PGRMC2: variants seen among roughly 807,000 people sequenced by gnomAD.
The protein encoded by PGRMC2 is progesterone receptor membrane component 2.
PGRMC2 carries 9 observed loss-of-function variants against 19.3 expected under a neutral mutation model. The ratio of observed to expected loss-of-function variants is 0.47; its 90% CI spans 0.28 to 0.81. The LOEUF (loss-of-function observed/expected upper bound fraction) is 0.81. Among genes scored for constraint, PGRMC2 ranks in the 40% least tolerant of loss-of-function variants. The pLI is 0.11. For missense variants in PGRMC2, 289 were observed against 297.3 expected, an observed-to-expected ratio of 0.97 and a Z score of 0.21; for synonymous variants, 157 against 124.6, an observed-to-expected ratio of 1.26 and a Z score of -1.73.
chr4:128,278,795 T>C (rs1230153717), intron 1 of PGRMC2, among the ~76,000 whole-genome samples: 1 of 152,186 alleles, frequency 6.6e-6, no homozygotes, highest in Non-Finnish European at 1.5e-5. Context: ...CAAAACTTTG[T>C]GTGGTTCAAA....
intron 1 of PGRMC2, among the ~76,000 whole-genome samples, chr4:128,284,543 CA>C (rs1248995381): frequency 6.6e-6 from 1 of 152,092 alleles, no homozygotes; most frequent in Non-Finnish European, 1.5e-5. Context: ...AACTGTTTGC[CA>C]AAATGTGTAT....
chr4:128,279,760 T>C (rs186734548), intron 1 of PGRMC2, among the ~76,000 whole-genome samples: 2 of 152,310 alleles, frequency 1.3e-5, no homozygotes, highest in East Asian at 3.9e-4. Context: ...GTGAAGGGTA[T>C]GCATAGTATA....
At chr4:128,273,370 T>C (rs1193891312) in intron 1 of PGRMC2, among the ~76,000 whole-genome samples, 4 of 152,214 alleles carry the variant, frequency 2.6e-5, no homozygotes, top group Admixed American at 2.6e-4. Flanking sequence ...CCAAGGTTTG[T>C]CCTTGAGAAC....
chr4:128,287,765 T>C lies in PGRMC2; in HGVS notation c.26A>G (p.Lys9Arg). 2 of 1,480,076 alleles carry C rather than the reference T, an allele frequency of 1.4e-6. No individual in the cohort carries two copies. The highest frequency in any genetic ancestry group is 2.3e-5 in the East Asian group (1 of 43,302). 91.7% of individuals were successfully genotyped at this position (1,480,076 alleles called of 1,614,324 possible). A position where few individuals can be genotyped will look rare whatever the true frequency, so the allele number is the denominator to read the frequency against. ...GCTGCCACTCCCCAGGGTGCCTAGC[T>C]TCACGTCCCCATCACCAGCCGCCAT... Reference protein sequence around the residue: MAAGDGDVKLGTLGSGSES... With the variant: MAAGDGDVRLGTLGSGSES... The change falls in exon 1 of 3, where the codon AAG (lysine) becomes AGG (arginine). Residue 9 changes from lysine to arginine, a missense_variant. By Grantham distance (26) the Lys-to-Arg change is conservative. Transcript: ENST00000296425.
chr4:128,272,674 C>T, intron 1 of PGRMC2, 157 bp from the exon 2 acceptor site: 1 of 415,426 alleles, frequency 2.4e-6, no homozygotes, highest in East Asian at 3.6e-5. Flanking sequence ...TGTACAGATA[C>T]TAGATGGAAT....
At chr4:128,278,624 C>T (rs1578884587) in intron 1 of PGRMC2, among the ~76,000 whole-genome samples, 1 of 152,068 alleles carries the variant, frequency 6.6e-6, no homozygotes, top group Admixed American at 6.5e-5. Context: ...AATTTCACAT[C>T]TTAAAGCAAA....
At chr4:128,272,741 G>C (rs172343) in intron 1 of PGRMC2, 5 of 355,562 alleles carry the variant, frequency 1.4e-5, no homozygotes, top group Admixed American at 4.7e-5. Flanking sequence ...TTTTCACTTA[G>C]ATCTTAAAAC....
At chr4:128,283,660 T>G in intron 1 of PGRMC2, among the ~76,000 whole-genome samples, 1 of 18,528 alleles carries the variant, frequency 5.4e-5, no homozygotes, top group African/African-American at 2.1e-4. Flanking sequence ...CATAAAAGCA[T>G]TTTTTTTTTT....
intron 1 of PGRMC2, among the ~76,000 whole-genome samples, chr4:128,274,537 A>AAAAAAAAAAAAG (rs137964198): frequency 7.8e-6 from 1 of 128,222 alleles, no homozygotes; most frequent in African/African-American, 2.9e-5. Context: ...AAAAAAAAAA[A>AAAAAAAAAAAAG]GGTATTAACC....
intron 1 of PGRMC2, among the ~76,000 whole-genome samples, chr4:128,279,296 AAAG>A (rs1485405155): frequency 2.0e-5 from 3 of 152,246 alleles, no homozygotes; most frequent in Non-Finnish European, 4.4e-5. Flanking sequence ...AACTTTTTAA[AAAG>A]AAGTCCAACC....
chr4:128,273,815 C>A (rs1263347385), intron 1 of PGRMC2, among the ~76,000 whole-genome samples: 1 of 152,156 alleles, frequency 6.6e-6, no homozygotes, highest in Non-Finnish European at 1.5e-5. Context: ...CAGCACTGTA[C>A]TATAAAGTTA....
chr4:128,287,163 T>G, intron 1 of PGRMC2: 1 of 483,936 alleles, frequency 2.1e-6, no homozygotes, highest in East Asian at 3.4e-5. Flanking sequence ...GACCCTGGTT[T>G]CGGGGGAAGA....
At chr4:128,274,514 A>AG (rs1467897437) in intron 1 of PGRMC2, among the ~76,000 whole-genome samples, 9 of 128,994 alleles carry the variant, frequency 7.0e-5, no homozygotes, top group South Asian at 2.8e-4. Flanking sequence ...CCTTCTCCAA[A>AG]GAAAAAAAAA....
chr4:128,281,338 G>A (rs1206316181), intron 1 of PGRMC2, among the ~76,000 whole-genome samples: 2 of 152,102 alleles, frequency 1.3e-5, no homozygotes, highest in Admixed American at 1.3e-4. Flanking sequence ...ATCTTAAAGA[G>A]GCAGCTTTTT....
chr4:128,271,853 AT>A (rs903400683), intron 2 of PGRMC2, among the ~76,000 whole-genome samples: 1 of 152,214 alleles, frequency 6.6e-6, no homozygotes, highest in African/African-American at 2.4e-5. Context: ...GGGGAAAGAT[AT>A]TTTTTATCTA....
In PGRMC2 at chr4:128,287,677, TC is replaced by T; in HGVS notation, c.113del (p.Gly38GlufsTer11). On this transcript the variant is annotated frameshift_variant, in exon 1 of 3. Coordinates refer to ENST00000296425, the MANE Select transcript of PGRMC2 (RefSeq NM_006320.6). LOFTEE classifies it high-confidence loss of function. ...GCGCCAACGCCGCCGCCGCCCAGCCTCCCCCTTCCGCTGCCGCTCCCGCGTC... is the reference window on the plus strand; with the variant it reads ...GCGCCAACGCCGCCGCCGCCCAGCCTCCCCTTCCGCTGCCGCTCCCGCGTC... Reference protein sequence around the residue: ...PGDAGAAAEGGGWAAAALALL... With the variant: ...PGDAGAAAEGXGWAAAALALL... 1 of 1,524,446 alleles carries T rather than the reference TC, an allele frequency of 6.6e-7. No homozygotes were observed. Among genetic ancestry groups the T allele is most frequent in the Non-Finnish European group, 8.8e-7 (1 of 1,139,158 alleles). The allele number at this position is 1,524,446 out of a possible 1,614,324, so 94.4% of individuals were successfully genotyped here. A position where few individuals can be genotyped will look rare whatever the true frequency, so the allele number is the denominator to read the frequency against.
intron 2 of PGRMC2, among the ~76,000 whole-genome samples, 198 bp from the exon 3 acceptor site, chr4:128,271,611 G>A (rs1395789739): frequency 6.6e-6 from 1 of 152,152 alleles, no homozygotes; most frequent in Non-Finnish European, 1.5e-5. Flanking sequence ...CAGGATTAGG[G>A]AACTTATAAG....
At chr4:128,279,635 AAC>A (rs1441821392) in intron 1 of PGRMC2, among the ~76,000 whole-genome samples, 2 of 152,260 alleles carry the variant, frequency 1.3e-5, no homozygotes, top group African/African-American at 4.8e-5. Context: ...AACAAATGTT[AAC>A]AGTGGACTGT....
rs1050319235 is a variant in PGRMC2 at position 128,270,691 on chromosome 4, A to T, written c.*625T>A. 6.6e-6 allele frequency: 1 copy of T among 152,390 alleles called. No individual in the cohort carries two copies. The highest frequency in any genetic ancestry group is 1.5e-5 in the Non-Finnish European group (1 of 68,030). 9.4% of individuals were successfully genotyped at this position (152,390 alleles called of 1,614,324 possible). ...TCTTTCTGTTGGGGAACTAGCTCTG[A>T]CTTAAACCCACCTGAAATTCCTTCT... On this transcript the variant is annotated 3_prime_UTR_variant, in exon 3 of 3. Transcript: ENST00000296425.
Sources: gnomAD v4.1 joint callset for allele counts (sites outside exome capture counted in the v4.1 genomes callset) on GRCh38, gnomAD v4.1.1 for gene constraint, MANE v1.5 for transcripts, NCBI Gene and HGNC (gene_info 2026-07-23, HGNC 2026-07-21) for gene names.